FNDC3A: variants seen among roughly 807,000 people sequenced by gnomAD.
The protein encoded by FNDC3A is fibronectin type III domain containing 3A.
FNDC3A carries 32 observed loss-of-function variants against 148.9 expected under a neutral mutation model. The ratio of observed to expected loss-of-function variants is 0.21; its 90% CI spans 0.16 to 0.29. The LOEUF is 0.29. FNDC3A is among the 10% of genes least tolerant of loss of function. The pLI, the probability that FNDC3A is intolerant of heterozygous loss-of-function variation, is 1.00. For missense variants in FNDC3A, 1,191 were observed against 1,452.8 expected (o/e 0.82, Z 2.93); for synonymous variants, 472 against 473.6 (o/e 1.00, Z 0.04).
chr13:49,094,566 G>A (rs573246122), intron 3 of FNDC3A, among the ~76,000 whole-genome samples: 91 of 152,088 alleles, frequency 6.0e-4, no homozygotes, highest in Non-Finnish European at 9.6e-4. Flanking sequence ...CCTAATATTT[G>A]CAATCACTAT....
At chr13:49,038,695 A>G (rs987968013) in intron 2 of FNDC3A, among the ~76,000 whole-genome samples, 1 of 152,210 alleles carries the variant, frequency 6.6e-6, no homozygotes, top group African/African-American at 2.4e-5. Context: ...TTCTTACTGT[A>G]TCTACTAAAT....
chr13:49,174,242 C>T (rs1044622584), intron 11 of FNDC3A, among the ~76,000 whole-genome samples, 193 bp from the exon 12 acceptor site: 12 of 152,104 alleles, frequency 7.9e-5, no homozygotes, highest in African/African-American at 2.7e-4. Flanking sequence ...ACAAAGATAC[C>T]TGCTCTCTGG....
intron 3 of FNDC3A, among the ~76,000 whole-genome samples, chr13:49,091,692 C>T (rs1477745226): frequency 1.3e-5 from 2 of 152,182 alleles, no homozygotes; most frequent in Non-Finnish European, 2.9e-5. Flanking sequence ...CCTGTGTCAA[C>T]TGATCATAGG....
chr13:49,200,064 C>T (rs1176845479), intron 23 of FNDC3A, among the ~76,000 whole-genome samples: 1 of 152,196 alleles, frequency 6.6e-6, no homozygotes, highest in Admixed American at 6.5e-5. Flanking sequence ...CCTCCCACAG[C>T]TGTTAATCCT....
intron 2 of FNDC3A, among the ~76,000 whole-genome samples, chr13:49,056,997 A>G (rs1279397437): frequency 2.0e-5 from 3 of 152,116 alleles, no homozygotes; most frequent in African/African-American, 4.8e-5. Context: ...TATTCATTTC[A>G]TGTGATCTTT....
intron 1 of FNDC3A, among the ~76,000 whole-genome samples, chr13:48,999,031 A>G (rs2137582821): frequency 6.6e-6 from 1 of 152,334 alleles, no homozygotes; most frequent in African/African-American, 2.4e-5. Context: ...TCCAAAGTGC[A>G]TGGGCCCAAA....
intron 4 of FNDC3A, among the ~76,000 whole-genome samples, chr13:49,120,247 A>G (rs767952122): frequency 5.9e-5 from 9 of 152,240 alleles, no homozygotes; most frequent in Non-Finnish European, 1.2e-4. Context: ...ACTAAGCTTC[A>G]TAAGCGAAGG....
At chr13:49,205,076 C>T (rs897938374) in intron 25 of FNDC3A, among the ~76,000 whole-genome samples, 1 of 152,214 alleles carries the variant, frequency 6.6e-6, no homozygotes, top group African/African-American at 2.4e-5. Flanking sequence ...TCCCTTCAGT[C>T]CTTCACACAG....
chr13:49,025,304 A>G (rs76757959), intron 2 of FNDC3A, among the ~76,000 whole-genome samples: 10 of 152,176 alleles, frequency 6.6e-5, no homozygotes, highest in Non-Finnish European at 1.3e-4. Flanking sequence ...TCTCATCACT[A>G]TTGACTTGGT....
intron 14 of FNDC3A, among the ~76,000 whole-genome samples, chr13:49,185,033 T>C (rs1593721772): frequency 6.6e-6 from 1 of 152,118 alleles, no homozygotes; most frequent in African/African-American, 2.4e-5. Context: ...TCTAACACTT[T>C]TGACTTGAGC....
chr13:49,026,034 G>A (rs1320997814), intron 2 of FNDC3A, among the ~76,000 whole-genome samples: 2 of 152,182 alleles, frequency 1.3e-5, no homozygotes, highest in Admixed American at 6.5e-5. Flanking sequence ...TACTAGTAGG[G>A]AAATGGAGAA....
chr13:49,131,002 G>C (rs1881995149), intron 4 of FNDC3A, 135 bp from the exon 5 acceptor site: 1 of 667,392 alleles, frequency 1.5e-6, no homozygotes, highest in Admixed American at 2.3e-5. Context: ...CTGACCCTAG[G>C]TAATCCACCT....
chr13:49,102,201 T>C (rs1319744386), intron 3 of FNDC3A, among the ~76,000 whole-genome samples: 1 of 152,070 alleles, frequency 6.6e-6, no homozygotes, highest in African/African-American at 2.4e-5. Context: ...AATTTTCCCT[T>C]TTCTTCAATT....
At chr13:49,064,263 C>A (rs2137750429) in intron 2 of FNDC3A, among the ~76,000 whole-genome samples, 1 of 152,196 alleles carries the variant, frequency 6.6e-6, no homozygotes, top group South Asian at 2.1e-4. Flanking sequence ...ATCGCTTGAA[C>A]CTGGGAGGTG....
chr13:49,132,348 C>T (rs1882084951), intron 5 of FNDC3A, among the ~76,000 whole-genome samples: 1 of 152,084 alleles, frequency 6.6e-6, no homozygotes, highest in Admixed American at 6.5e-5. Context: ...TTTCCCATTG[C>T]AATTAGAATA....
chr13:49,016,107 G>A (rs1952494072), intron 2 of FNDC3A, among the ~76,000 whole-genome samples: 1 of 152,264 alleles, frequency 6.6e-6, no homozygotes, highest in South Asian at 2.1e-4. Flanking sequence ...TCAGGATGAT[G>A]CTGGCCTCAT....
rs371777021 is a variant in FNDC3A at position 48,991,713 on chromosome 13, AAGAG to A, written c.-39-14433_-39-14430del. On this transcript the variant is annotated intron_variant, in intron 1 of 25. Coordinates refer to ENST00000492622, the MANE Select transcript of FNDC3A (RefSeq NM_001079673.2). Reference sequence around the variant, plus strand: ...AAAAAAAAGAAAAAAGGAAAAAAAAAAGAGAGAGAATGTTTCTGAATATATGCTG... The same window carrying A: ...AAAAAAAAGAAAAAAGGAAAAAAAAAAGAGAATGTTTCTGAATATATGCTG... 2.0e-3 allele frequency among the ~76,000 whole-genome samples: 303 copies of A among 152,152 alleles called. 1 individual carries two copies. Among genetic ancestry groups the A allele is most frequent in the African/African-American group, 6.6e-3 (275 of 41,498 alleles).
chr13:49,161,599 A>C (rs536919427), intron 8 of FNDC3A, among the ~76,000 whole-genome samples: 3 of 152,212 alleles, frequency 2.0e-5, no homozygotes, highest in South Asian at 4.1e-4. Context: ...CATTTAGTCC[A>C]TTTACATTTA....
chr13:48,989,114 A>T (rs1472825647), intron 1 of FNDC3A, among the ~76,000 whole-genome samples: 4 of 152,188 alleles, frequency 2.6e-5, no homozygotes, highest in African/African-American at 4.8e-5. Context: ...AGGGTTTTGC[A>T]TTAGTAGTGG....
Sources: allele counts gnomAD v4.1 joint callset (sites outside exome capture counted in the v4.1 genomes callset), GRCh38; gene constraint gnomAD v4.1.1; transcripts MANE v1.5; gene names NCBI Gene and HGNC (gene_info 2026-07-23, HGNC 2026-07-21).